RAB2A: variants seen among roughly 807,000 people sequenced by gnomAD.
RAB2A encodes ras-related protein Rab-2A.
Under a neutral mutation model 32.5 loss-of-function variants are expected in RAB2A, and 7 were observed. The ratio of observed to expected loss-of-function variants is 0.22; its 90% CI spans 0.12 to 0.40. RAB2A has a LOEUF of 0.40. Ranked by LOEUF, RAB2A falls within the 10% of genes least tolerant of loss-of-function variation. The pLI is 1.00. For synonymous variants in RAB2A, 79 were observed against 85.2 expected (o/e 0.93, Z 0.40); for missense variants, 108 against 260.7 (o/e 0.41, Z 4.03).
intron 6 of RAB2A, among the ~76,000 whole-genome samples, chr8:60,609,960 CAAAAA>C (rs5891772): frequency 1.2e-5 from 1 of 80,608 alleles, no homozygotes. Context: ...CCCTGTGTCT[CAAAAA>C]AAAAAAAAAA....
chr8:60,561,978 C>T (rs1808032888), intron 2 of RAB2A, among the ~76,000 whole-genome samples: 1 of 152,176 alleles, frequency 6.6e-6, no homozygotes, highest in African/African-American at 2.4e-5. Context: ...CTCTTGCTTT[C>T]TCTCTTACTT....
At chr8:60,579,503 T>C (rs928356454) in intron 3 of RAB2A, among the ~76,000 whole-genome samples, 1 of 152,236 alleles carries the variant, frequency 6.6e-6, no homozygotes, top group Non-Finnish European at 1.5e-5. Context: ...TCTAAGCTAA[T>C]ATTAGGAATC....
intron 6 of RAB2A, among the ~76,000 whole-genome samples, chr8:60,593,606 A>T (rs1803975606): frequency 6.6e-6 from 1 of 152,212 alleles, no homozygotes; most frequent in Non-Finnish European, 1.5e-5. Context: ...GAGTGGAGTG[A>T]GAGGAAGCCA....
chr8:60,519,580 G>A (rs1807269998), intron 1 of RAB2A, among the ~76,000 whole-genome samples: 1 of 152,156 alleles, frequency 6.6e-6, no homozygotes, highest in African/African-American at 2.4e-5. Flanking sequence ...CTGAATTTAT[G>A]TTTCTCACTT....
At chr8:60,525,379 T>C (rs1361152326) in intron 1 of RAB2A, among the ~76,000 whole-genome samples, 1 of 152,150 alleles carries the variant, frequency 6.6e-6, no homozygotes, top group Admixed American at 6.5e-5. Flanking sequence ...TTCTGAGGCC[T>C]CCCCAGCCAT....
intron 1 of RAB2A, among the ~76,000 whole-genome samples, chr8:60,535,273 A>G (rs1378099036): frequency 2.0e-5 from 3 of 152,186 alleles, no homozygotes; most frequent in Non-Finnish European, 4.4e-5. Context: ...TAGTTGAATG[A>G]AGTCAATAAA....
intron 1 of RAB2A, among the ~76,000 whole-genome samples, chr8:60,530,776 G>A (rs1376357017): frequency 6.6e-6 from 1 of 152,082 alleles, no homozygotes; most frequent in East Asian, 1.9e-4. Flanking sequence ...TATAGACAAA[G>A]ATCAAGGTGT....
intron 3 of RAB2A, 57 bp downstream of exon 3, chr8:60,572,170 A>G (rs960869172): frequency 1.1e-5 from 15 of 1,309,774 alleles, no homozygotes; most frequent in Admixed American, 1.1e-4. Context: ...ATGAAAGTAC[A>G]TCGTATATTT....
intron 6 of RAB2A, among the ~76,000 whole-genome samples, chr8:60,603,071 G>A (rs1431201360): frequency 6.6e-6 from 1 of 152,162 alleles, no homozygotes; most frequent in African/African-American, 2.4e-5. Flanking sequence ...GGTTGGTGTT[G>A]GGACATTTCA....
At position 60,518,596 on chromosome 8, in the gene RAB2A, C is replaced by CAAAAAAA. The variant is rs59503766; in HGVS notation, c.46+1364_46+1370dup. Among the ~76,000 whole-genome samples, 38 of 45,510 alleles carry CAAAAAAA rather than the reference C, an allele frequency of 8.3e-4. 2 individuals carry two copies. The highest frequency in any genetic ancestry group is 2.4e-3 in the African/African-American group (35 of 14,800). 29.9% of individuals were successfully genotyped at this position (45,510 alleles called of 152,430 possible). On this transcript the variant is annotated intron_variant, in intron 1 of 7. Transcript: ENST00000262646. ...ACTTGAGCCCGGAAGGTGGAGTTTG[C>CAAAAAAA]AAAAAAAAAAAAAAAAAAAAAAAAA...
At chr8:60,596,840 G>T (rs1362412940) in intron 6 of RAB2A, among the ~76,000 whole-genome samples, 1 of 152,142 alleles carries the variant, frequency 6.6e-6, no homozygotes, top group Admixed American at 6.5e-5. Flanking sequence ...AGAATGGCAT[G>T]AACCCAGGAG....
intron 3 of RAB2A, chr8:60,584,001 T>C (rs547135001): frequency 8.9e-6 from 4 of 449,490 alleles, no homozygotes; most frequent in South Asian, 7.7e-5. Flanking sequence ...AGCGACTACA[T>C]GTGCACTACA....
chr8:60,577,033 CTATTT>C (rs1803644062), intron 3 of RAB2A, among the ~76,000 whole-genome samples: 1 of 139,658 alleles, frequency 7.2e-6, no homozygotes, highest in Non-Finnish European at 1.5e-5. Flanking sequence ...TGATCATATC[CTATTT>C]TATCTTTTTT....
At chr8:60,602,370 A>T (rs1185000809) in intron 6 of RAB2A, among the ~76,000 whole-genome samples, 1 of 152,248 alleles carries the variant, frequency 6.6e-6, no homozygotes, top group African/African-American at 2.4e-5. Context: ...ATAACACAAT[A>T]CCATTATCAT....
intron 1 of RAB2A, among the ~76,000 whole-genome samples, chr8:60,521,436 G>T (rs954999273): frequency 2.0e-5 from 3 of 152,106 alleles, no homozygotes; most frequent in Non-Finnish European, 2.9e-5. Flanking sequence ...AAATTACAAG[G>T]TTATGTAGGG....
At chr8:60,560,585 C>T (rs1048791710) in intron 2 of RAB2A, among the ~76,000 whole-genome samples, 4 of 152,104 alleles carry the variant, frequency 2.6e-5, no homozygotes, top group Admixed American at 1.3e-4. Context: ...TATGGCACAC[C>T]GAGTGGAGAG....
intron 1 of RAB2A, among the ~76,000 whole-genome samples, chr8:60,548,155 C>T (rs541709949): frequency 1.1e-4 from 2 of 18,508 alleles, no homozygotes; most frequent in East Asian, 2.7e-3. Context: ...ACCTCCCTCC[C>T]GGACGGGGCG....
At position 60,623,084 on chromosome 8, in the gene RAB2A, A is replaced by G. The variant is rs891765376; in HGVS notation, c.*2315A>G. ...CTGAAAAAAATAAACACAGCTTTCA[A>G]TGTCTCACTCAACATGTAACATTCA... On this transcript the variant is annotated 3_prime_UTR_variant, in exon 8 of 8. Transcript: ENST00000262646. 9.9e-5 allele frequency: 15 copies of G among 152,234 alleles called. No individual in the cohort carries two copies. Among genetic ancestry groups the G allele is most frequent in the African/African-American group, 2.9e-4 (12 of 41,464 alleles). The allele number at this position is 152,234 out of a possible 1,614,324, so 9.4% of individuals were successfully genotyped here. A position where few individuals can be genotyped will look rare whatever the true frequency, so the allele number is the denominator to read the frequency against.
chr8:60,574,942 A>C (rs1294044463), intron 3 of RAB2A, among the ~76,000 whole-genome samples: 9 of 152,136 alleles, frequency 5.9e-5, no homozygotes, highest in Non-Finnish European at 1.0e-4. Flanking sequence ...GAATTCGACC[A>C]CTTCCAGCTT....
Sources: allele counts gnomAD v4.1 joint callset (sites outside exome capture counted in the v4.1 genomes callset), GRCh38; gene constraint gnomAD v4.1.1; transcripts MANE v1.5; gene names NCBI Gene and HGNC (gene_info 2026-07-23, HGNC 2026-07-21).